Variants in KDM2B observed in about 807,000 individuals in gnomAD.
KDM2B encodes lysine demethylase 2B, also known as lysine-specific demethylase 2B.
KDM2B carries 26 observed loss-of-function variants against 150.0 expected under a neutral mutation model. That is an observed-to-expected ratio of 0.17 (90% CI 0.13 to 0.24). The LOEUF is 0.24. KDM2B is among the 10% of genes least tolerant of loss of function. KDM2B has a pLI of 1.00. For missense variants in KDM2B, 1,265 were observed against 1,816.9 expected, an observed-to-expected ratio of 0.70 and a Z score of 5.52; for synonymous variants, 734 against 729.5, an observed-to-expected ratio of 1.01 and a Z score of -0.10.
In KDM2B at chr12:121,521,608, T is replaced by C. The variant is rs1886695274; in HGVS notation, c.932-508A>G. Among the ~76,000 whole-genome samples the C allele has an allele frequency of 6.6e-6, 1 of 152,150 alleles. No individual in the cohort carries two copies. Among genetic ancestry groups the C allele is most frequent in the Non-Finnish European group, 1.5e-5 (1 of 68,032 alleles). On this transcript the variant is annotated intron_variant, in intron 8 of 22. Coordinates refer to ENST00000377071, the MANE Select transcript of KDM2B (RefSeq NM_032590.5). The surrounding 1 kb of genome is among the most constrained non-coding windows in gnomAD (Gnocchi z 4.9). The stretch of plus-strand genomic sequence containing the variant: ...AAGCACTTTCCTCCGCCCAAGTCCA[T>C]CTTCTTGTCATCAAACTCCACCCAG...
At position 121,580,956 on chromosome 12, in the gene KDM2B, TCCATA is replaced by T. The variant is rs1891933743; in HGVS notation, c.-50_-46del. 1 of 1,606,492 alleles carries T rather than the reference TCCATA, an allele frequency of 6.2e-7. No homozygotes were observed. The highest frequency in any genetic ancestry group is 1.3e-5 in the African/African-American group (1 of 74,478). On this transcript the variant is annotated 5_prime_UTR_variant, in exon 1 of 23. It removes an upstream start codon present in the reference 5' UTR. Coordinates refer to ENST00000377071, the MANE Select transcript of KDM2B (RefSeq NM_032590.5). ...GGCTCAGAAGGAAATTAGCTCGGCT[TCCATA>T]CCTATAAGGACTGCCTAACTTTTAA...
At chr12:121,409,047 T>C in the KDM2B span, among the ~76,000 whole-genome samples, 3 of 152,026 alleles carry the variant, frequency 2.0e-5, no homozygotes, top group African/African-American at 2.4e-5. Context: ...TGGCGTGATA[T>C]CTGCTCACTG....
At chr12:121,455,085 G>A (rs1878012629) in intron 12 of KDM2B, among the ~76,000 whole-genome samples, 1 of 152,092 alleles carries the variant, frequency 6.6e-6, no homozygotes, top group Non-Finnish European at 1.5e-5. Context: ...CACCTAAGCA[G>A]ACCCCTCCCT....
intron 12 of KDM2B, among the ~76,000 whole-genome samples, chr12:121,477,102 TCA>T (rs1881471004): frequency 6.6e-6 from 1 of 152,148 alleles, no homozygotes; most frequent in Non-Finnish European, 1.5e-5. Flanking sequence ...AGACGGAGTC[TCA>T]CTCTGTCACC....
chr12:121,556,442 A>T (rs1354135787), intron 4 of KDM2B, among the ~76,000 whole-genome samples: 2 of 151,706 alleles, frequency 1.3e-5, no homozygotes, highest in Non-Finnish European at 2.9e-5. Context: ...ACACCAGCTC[A>T]CCCTCCCCTT....
chr12:121,480,139 C>A (rs1329633620), intron 12 of KDM2B, among the ~76,000 whole-genome samples: 7 of 152,136 alleles, frequency 4.6e-5, no homozygotes, highest in African/African-American at 1.7e-4. Context: ...AAACCATCCA[C>A]AAATGTCCAG....
At chr12:121,554,712 G>A (rs1475187557) in intron 4 of KDM2B, among the ~76,000 whole-genome samples, 1 of 152,058 alleles carries the variant, frequency 6.6e-6, no homozygotes, top group Non-Finnish European at 1.5e-5. Flanking sequence ...CACCCGGCCT[G>A]TAACATACTT....
At chr12:121,425,580 A>G (rs1211156716), downstream of KDM2B, among the ~76,000 whole-genome samples, 1 of 132,800 alleles carries the variant, frequency 7.5e-6, no homozygotes, top group East Asian at 2.4e-4. Flanking sequence ...CTTTGGGCAG[A>G]AAGTTTGTGT....
the KDM2B span, among the ~76,000 whole-genome samples, chr12:121,415,912 T>G: frequency 6.6e-6 from 1 of 151,552 alleles, no homozygotes; most frequent in Non-Finnish European, 1.5e-5. Flanking sequence ...GGTTTTTTGT[T>G]CTGTAAAATT....
At chr12:121,420,298 G>T in the KDM2B span, 84 of 1,584,838 alleles carry the variant, frequency 5.3e-5, no homozygotes, top group Non-Finnish European at 7.0e-5. Flanking sequence ...ACGATGATGA[G>T]GATGATGATG....
chr12:121,457,739 T>TACACATAC, intron 12 of KDM2B, among the ~76,000 whole-genome samples: 1 of 145,096 alleles, frequency 6.9e-6, no homozygotes, highest in South Asian at 2.2e-4. Flanking sequence ...ATCGGAAACA[T>TACACATAC]ACACACACAC....
chr12:121,530,685 AACTCAAATGC>A (rs1203418599), intron 8 of KDM2B, among the ~76,000 whole-genome samples: 3 of 152,078 alleles, frequency 2.0e-5, no homozygotes, highest in African/African-American at 7.2e-5. Flanking sequence ...TGCTTGCAGC[AACTCAAATGC>A]ACATTTCCTC....
At chr12:121,480,298 A>AT (rs1262294719) in intron 12 of KDM2B, among the ~76,000 whole-genome samples, 1 of 152,010 alleles carries the variant, frequency 6.6e-6, no homozygotes, top group African/African-American at 2.4e-5. Flanking sequence ...CTTATATCCA[A>AT]TTTACAGAAG....
intron 2 of KDM2B, among the ~76,000 whole-genome samples, chr12:121,577,121 GC>G (rs1481968879): frequency 6.6e-6 from 1 of 152,162 alleles, no homozygotes; most frequent in Admixed American, 6.5e-5. Flanking sequence ...AAAGAGCAAA[GC>G]CCTGGGCCCT....
intron 22 of KDM2B, among the ~76,000 whole-genome samples, chr12:121,431,130 C>G (rs1216970679): frequency 1.5e-5 from 2 of 133,416 alleles, no homozygotes; most frequent in Non-Finnish European, 3.4e-5. Context: ...CAGACACACC[C>G]TTTGTGCTTT....
intron 4 of KDM2B, among the ~76,000 whole-genome samples, chr12:121,569,406 G>T (rs1594149899): frequency 6.6e-6 from 1 of 152,190 alleles, no homozygotes; most frequent in Non-Finnish European, 1.5e-5. Context: ...CTCCCATGGG[G>T]AGAAGCCTGC....
At chr12:121,543,139 G>C (rs1050521486) in intron 6 of KDM2B, among the ~76,000 whole-genome samples, 17 of 152,080 alleles carry the variant, frequency 1.1e-4, no homozygotes, top group Admixed American at 1.3e-4. Context: ...TAGATCACTT[G>C]AGGTCAGGAG....
intron 8 of KDM2B, among the ~76,000 whole-genome samples, chr12:121,532,523 C>T (rs1436320846): frequency 6.6e-6 from 1 of 152,246 alleles, no homozygotes; most frequent in Non-Finnish European, 1.5e-5. Flanking sequence ...TTACCCAACA[C>T]ACAATCTCCA....
the KDM2B span, among the ~76,000 whole-genome samples, chr12:121,419,336 G>A: frequency 3.1e-3 from 473 of 152,238 alleles, 4 homozygotes; most frequent in African/African-American, 0.011. Context: ...TGTGATGTTC[G>A]CACAATGACA....
Sources: allele counts gnomAD v4.1 joint callset (sites outside exome capture counted in the v4.1 genomes callset), GRCh38; gene constraint gnomAD v4.1.1; non-coding constraint Gnocchi (gnomAD v3.1); transcripts MANE v1.5; gene names NCBI Gene and HGNC (gene_info 2026-07-23, HGNC 2026-07-21).